The following TEX9 variants were observed in gnomAD, a reference collection of about 807,000 sequenced individuals.
TEX9 encodes the protein testis expressed 9.
In TEX9, 74 loss-of-function variants were observed where a neutral mutation model predicts 59.6. The observed-to-expected ratio is 1.24, with a 90% CI of 1.03 to 1.51. The LOEUF is 1.51. Ranked by LOEUF, TEX9 falls within the 40% of genes most tolerant of loss-of-function variation. TEX9 has a pLI of 0.00. For missense variants in TEX9, 522 were observed against 447.8 expected, an observed-to-expected ratio of 1.17 and a Z score of -1.49; for synonymous variants, 186 against 152.2, an observed-to-expected ratio of 1.22 and a Z score of -1.64.
rs376974561 is a variant in TEX9 at position 56,325,633 on chromosome 15, A to C, written c.-106-47808A>C. Among the ~76,000 whole-genome samples the C allele has an allele frequency of 2.0e-5, 3 of 152,244 alleles. No individual in the cohort carries two copies. The East Asian group carries it at 5.8e-4, about 29-fold the overall frequency. ...CACCCTCTCATAATGTAAGGTAAAG[A>C]TATGTGTTGTTTCCTTTTGTTTTAA... On this transcript the variant is annotated intron_variant, in intron 1 of 5. Transcript: ENST00000560827.
chr15:56,307,897 T>C (rs2682012), intron 1 of TEX9, among the ~76,000 whole-genome samples: 42,409 of 152,148 alleles, frequency 0.28, 6,691 homozygotes, highest in Non-Finnish European at 0.35. Flanking sequence ...ATCCGTGTTG[T>C]AGTTTGGATC....
At chr15:56,450,057 C>G (rs2050937861), downstream of TEX9, among the ~76,000 whole-genome samples, 1 of 152,078 alleles carries the variant, frequency 6.6e-6, no homozygotes, top group Non-Finnish European at 1.5e-5. Context: ...CTGCTCTTAT[C>G]TTTATTATTG....
chr15:56,249,742 CAAAAAAAA>C (rs11440856), intron 1 of TEX9, among the ~76,000 whole-genome samples: 41 of 25,474 alleles, frequency 1.6e-3, no homozygotes, highest in African/African-American at 4.3e-3. Flanking sequence ...GGATCTGTCT[CAAAAAAAA>C]AAAAAAAAAA....
chr15:56,257,034 C>T (rs1476056167), intron 1 of TEX9, among the ~76,000 whole-genome samples: 1 of 151,982 alleles, frequency 6.6e-6, no homozygotes, highest in Non-Finnish European at 1.5e-5. Flanking sequence ...TGAGAACATG[C>T]AGTATTTGGT....
intron 1 of TEX9, among the ~76,000 whole-genome samples, chr15:56,320,159 G>A (rs1356373146): frequency 6.6e-6 from 1 of 152,176 alleles, no homozygotes; most frequent in African/African-American, 2.4e-5. Context: ...GTATTAGATA[G>A]TATTTAGGTG....
chr15:56,340,982 A>G (rs2046362236), intron 1 of TEX9, among the ~76,000 whole-genome samples: 1 of 152,168 alleles, frequency 6.6e-6, no homozygotes, highest in Non-Finnish European at 1.5e-5. Context: ...AAGTAGGTCT[A>G]TTTAGAATAC....
intron 1 of TEX9, among the ~76,000 whole-genome samples, chr15:56,283,007 G>A (rs1425519692): frequency 6.6e-6 from 1 of 151,582 alleles, no homozygotes; most frequent in Non-Finnish European, 1.5e-5. Context: ...TAGAGGGGGA[G>A]AATAAACATA....
At chr15:56,367,263 G>A (rs1596123684) in intron 2 of TEX9, among the ~76,000 whole-genome samples, 1 of 151,952 alleles carries the variant, frequency 6.6e-6, no homozygotes, top group African/African-American at 2.4e-5. Context: ...TATGAACAGA[G>A]TAACTCCCTA....
At chr15:56,402,281 G>T (rs182446569) in intron 9 of TEX9, among the ~76,000 whole-genome samples, 1 of 151,930 alleles carries the variant, frequency 6.6e-6, no homozygotes, top group African/African-American at 2.4e-5. Flanking sequence ...TCAAATAGAC[G>T]CAATAAAAAA....
rs138930124 is a variant in TEX9, at chr15:56,393,814, G to T, written c.572-351G>T. ...TTGTAATCACAGTGGCTGCACTGAAGCTGAGTTTTGCTAGAGAAGATTTAT... is the reference window on the plus strand; with the variant it reads ...TTGTAATCACAGTGGCTGCACTGAATCTGAGTTTTGCTAGAGAAGATTTAT... On this transcript the variant is annotated intron_variant, in intron 7 of 12. Transcript: ENST00000352903. 1.5e-3 allele frequency: 260 copies of T among 175,248 alleles called. 1 individual carries two copies. The highest frequency in any genetic ancestry group is 6.1e-3 in the African/African-American group (254 of 41,746). The allele number at this position is 175,248 out of a possible 1,614,324, so 10.9% of individuals were successfully genotyped here.
chr15:56,355,208 A>G (rs1164932196), intron 1 of TEX9, among the ~76,000 whole-genome samples: 1 of 152,130 alleles, frequency 6.6e-6, no homozygotes, highest in African/African-American at 2.4e-5. Flanking sequence ...ATAATTCAGT[A>G]TATAGTCTTT....
the TEX9 span, among the ~76,000 whole-genome samples, chr15:56,459,731 CCACTTTGGGAG>C: frequency 6.6e-6 from 1 of 151,542 alleles, no homozygotes; most frequent in Non-Finnish European, 1.5e-5. Flanking sequence ...TGCCTGTAAT[CCACTTTGGGAG>C]CACTTTGGGA....
chr15:56,442,173 C>T (rs190991195), intron 12 of TEX9, among the ~76,000 whole-genome samples: 4 of 151,898 alleles, frequency 2.6e-5, no homozygotes, highest in Non-Finnish European at 4.4e-5. Context: ...CAAACCAAAA[C>T]CACAATGAGA....
At chr15:56,451,272 C>T in the TEX9 span, among the ~76,000 whole-genome samples, 1 of 152,198 alleles carries the variant, frequency 6.6e-6, no homozygotes, top group South Asian at 2.1e-4. Context: ...ATCTGCTCTG[C>T]TCCTCCTGAA....
At chr15:56,431,044 C>G (rs1258337696) in intron 12 of TEX9, among the ~76,000 whole-genome samples, 1 of 152,080 alleles carries the variant, frequency 6.6e-6, no homozygotes, top group Non-Finnish European at 1.5e-5. Context: ...GCCTGTAATC[C>G]CAGCTACTCA....
chr15:56,401,894 T>G (rs925044342), intron 9 of TEX9, among the ~76,000 whole-genome samples: 4 of 152,046 alleles, frequency 2.6e-5, no homozygotes, highest in African/African-American at 9.7e-5. Context: ...GGGTACATAA[T>G]GAAATGAAGG....
chr15:56,386,154 T>C (rs1334902162), intron 4 of TEX9, among the ~76,000 whole-genome samples: 1 of 152,040 alleles, frequency 6.6e-6, no homozygotes, highest in Non-Finnish European at 1.5e-5. Context: ...AACAACATAG[T>C]TGCTAAGTGA....
In TEX9 at chr15:56,372,860, A is replaced by T. The variant is rs1199521351; in HGVS notation, c.120-581A>T. Among the ~76,000 whole-genome samples, 8 of 152,296 alleles carry T rather than the reference A, an allele frequency of 5.3e-5. No homozygotes were observed. The South Asian group carries it at 1.7e-3, about 32-fold the overall frequency. ...TGCTAGATTCCAAGTAGAATGAAAAATCATAATTAAAAAAGGAGTGACAGG... is the reference window on the plus strand; with the variant it reads ...TGCTAGATTCCAAGTAGAATGAAAATTCATAATTAAAAAAGGAGTGACAGG... On this transcript the variant is annotated intron_variant, in intron 2 of 12. Coordinates refer to ENST00000352903, the Ensembl canonical transcript of TEX9.
At chr15:56,271,106 AT>A (rs2044518707) in intron 1 of TEX9, among the ~76,000 whole-genome samples, 2 of 151,876 alleles carry the variant, frequency 1.3e-5, no homozygotes, top group South Asian at 4.1e-4. Context: ...TCTGACAATT[AT>A]GTGTCTTGGG....
Sources: gnomAD v4.1 joint callset for allele counts (sites outside exome capture counted in the v4.1 genomes callset) on GRCh38, gnomAD v4.1.1 for gene constraint, MANE v1.5 for transcripts, NCBI Gene and HGNC (gene_info 2026-07-23, HGNC 2026-07-21) for gene names.